Variants in PAIP2B observed in about 807,000 individuals in gnomAD.
PAIP2B encodes polyadenylate-binding protein-interacting protein 2B.
In PAIP2B, 13 loss-of-function variants were observed where a neutral mutation model predicts 17.0. That is an observed-to-expected ratio of 0.76 (90% CI 0.50 to 1.22). The LOEUF (loss-of-function observed/expected upper bound fraction) is 1.22. Ranked by LOEUF, PAIP2B falls within the 50% of genes most tolerant of loss-of-function variation. The pLI is 0.00. For missense variants in PAIP2B, 117 were observed against 144.5 expected (o/e 0.81, Z 0.98); for synonymous variants, 43 against 48.7 (o/e 0.88, Z 0.48).
At chr2:71,226,506 C>G (rs899127980) in intron 1 of PAIP2B, among the ~76,000 whole-genome samples, 3 of 152,188 alleles carry the variant, frequency 2.0e-5, no homozygotes, top group Admixed American at 6.5e-5. Context: ...CAATCCCTCC[C>G]GCTCCAGCCC....
In PAIP2B at chr2:71,183,894, G is replaced by A. The variant is rs890026063; in HGVS notation, c.*4585C>T. The stretch of plus-strand genomic sequence containing the variant: ...ACTAAAATCACTGAAATGTACACTT[G>A]AAATGGGTGTTTTATGATATGTAAC... On this transcript the variant is annotated 3_prime_UTR_variant, in exon 4 of 4. Transcript: ENST00000244221. The A allele has an allele frequency of 6.6e-6, 1 of 152,172 alleles. No homozygotes were observed. The highest frequency in any genetic ancestry group is 2.4e-5 in the African/African-American group (1 of 41,438). 9.4% of individuals were successfully genotyped at this position (152,172 alleles called of 1,614,324 possible). A position where few individuals can be genotyped will look rare whatever the true frequency, so the allele number is the denominator to read the frequency against.
intron 1 of PAIP2B, among the ~76,000 whole-genome samples, chr2:71,220,476 G>C (rs1015769376): frequency 1.3e-5 from 2 of 151,660 alleles, no homozygotes; most frequent in African/African-American, 4.8e-5. Flanking sequence ...GGAGTGCTTT[G>C]TAGTCCCCTG....
At position 71,198,325 on chromosome 2, in the gene PAIP2B, G is replaced by A. The variant is rs1005979527; in HGVS notation, c.138+4127C>T. Among the ~76,000 whole-genome samples the A allele has an allele frequency of 4.2e-4, 61 of 143,678 alleles. 1 individual carries two copies. The East Asian group carries it at 9.7e-3, about 23-fold the overall frequency. 94.3% of individuals were successfully genotyped at this position (143,678 alleles called of 152,430 possible). A position where few individuals can be genotyped will look rare whatever the true frequency, so the allele number is the denominator to read the frequency against. On this transcript the variant is annotated intron_variant, in intron 2 of 3. Transcript: ENST00000244221. ...TTTTGAGACAGAGTCTCGCTCTGTC[G>A]CCCAGGCTGGAGTGCAGTGGCGCGA...
intron 2 of PAIP2B, among the ~76,000 whole-genome samples, chr2:71,200,980 G>T (rs867411668): frequency 6.7e-6 from 1 of 150,344 alleles, no homozygotes; most frequent in African/African-American, 2.5e-5. Context: ...CTTCTCAACT[G>T]TCTTTCCTCA....
rs1296827305 is a variant in PAIP2B, at chr2:71,183,490, G to A, written c.*4989C>T. ...ACATGCACAGCAGCTTCCCCTATAA[G>A]TCCTACGTTCGGAGGGTTCCGTTTA... On this transcript the variant is annotated 3_prime_UTR_variant, in exon 4 of 4. Transcript: ENST00000244221. The A allele has an allele frequency of 3.0e-5, 4 of 131,834 alleles. No homozygotes were observed. Among genetic ancestry groups the A allele is most frequent in the African/African-American group, 1.2e-4 (4 of 33,852 alleles). The allele number at this position is 131,834 out of a possible 1,614,324, so 8.2% of individuals were successfully genotyped here.
At chr2:71,214,709 T>C (rs891838006) in intron 1 of PAIP2B, among the ~76,000 whole-genome samples, 13 of 152,228 alleles carry the variant, frequency 8.5e-5, no homozygotes, top group African/African-American at 3.1e-4. Context: ...AATATTAATG[T>C]ATCGGGTGAC....
At chr2:71,201,390 T>TC (rs1287619083) in intron 2 of PAIP2B, among the ~76,000 whole-genome samples, 3 of 151,812 alleles carry the variant, frequency 2.0e-5, no homozygotes, top group South Asian at 2.1e-4. Flanking sequence ...CTTAATCTTT[T>TC]TTTTTTTTTT....
At chr2:71,207,031 C>G (rs1039475039) in intron 1 of PAIP2B, among the ~76,000 whole-genome samples, 1 of 152,216 alleles carries the variant, frequency 6.6e-6, no homozygotes, top group African/African-American at 2.4e-5. Context: ...TGAGTGCCTA[C>G]TGACCCTCTG....
chr2:71,208,440 A>T (rs1006568270), intron 1 of PAIP2B, among the ~76,000 whole-genome samples: 40 of 151,954 alleles, frequency 2.6e-4, no homozygotes, highest in African/African-American at 8.4e-4. Context: ...CAAAAAAAAA[A>T]GTCAAGTAGA....
chr2:71,206,876 T>G (rs1675141801), intron 1 of PAIP2B, among the ~76,000 whole-genome samples: 1 of 152,256 alleles, frequency 6.6e-6, no homozygotes, highest in Non-Finnish European at 1.5e-5. Flanking sequence ...TCCTTCAGTC[T>G]GGTTAATACC....
At chr2:71,213,788 C>T (rs1675362289) in intron 1 of PAIP2B, among the ~76,000 whole-genome samples, 1 of 152,010 alleles carries the variant, frequency 6.6e-6, no homozygotes, top group Non-Finnish European at 1.5e-5. Context: ...TTCTCCAGGC[C>T]TTTAAAGGAA....
At chr2:71,224,632 G>C (rs1675674916) in intron 1 of PAIP2B, among the ~76,000 whole-genome samples, 1 of 152,120 alleles carries the variant, frequency 6.6e-6, no homozygotes, top group Non-Finnish European at 1.5e-5. Flanking sequence ...TCAGGAAATG[G>C]CACTTCAGGA....
intron 2 of PAIP2B, among the ~76,000 whole-genome samples, chr2:71,197,085 GT>G (rs1214681145): frequency 6.6e-6 from 1 of 152,154 alleles, no homozygotes; most frequent in Non-Finnish European, 1.5e-5. Flanking sequence ...ATGTTGGCCT[GT>G]TTGTGTGGTT....
Position 71,189,187 on chromosome 2 carries a change from A to AT in PAIP2B, c.316-653dup, listed in dbSNP as rs533125464. On this transcript the variant is annotated intron_variant, in intron 3 of 3. Transcript: ENST00000244221. Reference sequence around the variant, plus strand: ...ACCACCATGCCTGGCTAATTTTTGTATTTTTTTAGTAGATATGGGGTTTCC... The same window carrying AT: ...ACCACCATGCCTGGCTAATTTTTGTATTTTTTTTAGTAGATATGGGGTTTCC... Among the ~76,000 whole-genome samples the AT allele has an allele frequency of 5.9e-5, 9 of 151,664 alleles. No homozygotes were observed. In the South Asian group the frequency reaches 1.3e-3, roughly 21 times the overall value.
At chr2:71,218,596 C>A (rs1261188387) in intron 1 of PAIP2B, among the ~76,000 whole-genome samples, 8 of 152,076 alleles carry the variant, frequency 5.3e-5, no homozygotes, top group Non-Finnish European at 2.9e-5. Context: ...ATTAAAAACC[C>A]TAAAACTGTT....
chr2:71,212,173 A>G lies in PAIP2B; in HGVS notation c.-11-9573T>C, dbSNP rs1452873546. On this transcript the variant is annotated intron_variant, in intron 1 of 3. Coordinates refer to ENST00000244221, the MANE Select transcript of PAIP2B (RefSeq NM_020459.1). The stretch of plus-strand genomic sequence containing the variant: ...TCTCCATACATTTCAGACTGATGTG[A>G]TGACAATTTGTTTTTTAAATGCATA... Among the ~76,000 whole-genome samples the G allele has an allele frequency of 2.6e-5, 4 of 152,366 alleles. No homozygotes were observed. In the East Asian group the frequency reaches 7.7e-4, roughly 29 times the overall value.
chr2:71,215,011 A>C (rs539023302), intron 1 of PAIP2B, among the ~76,000 whole-genome samples: 165 of 152,332 alleles, frequency 1.1e-3, no homozygotes, highest in African/African-American at 3.8e-3. Flanking sequence ...TCATTCTATA[A>C]AAGGATATTT....
At chr2:71,224,394 C>T (rs1326058448) in intron 1 of PAIP2B, among the ~76,000 whole-genome samples, 1 of 152,050 alleles carries the variant, frequency 6.6e-6, no homozygotes, top group East Asian at 1.9e-4. Flanking sequence ...ATTCAGTGTT[C>T]TTGGCAACTT....
At position 71,185,329 on chromosome 2, in the gene PAIP2B, G is replaced by C. The variant is rs1224577082; in HGVS notation, c.*3150C>G. The C allele has an allele frequency of 6.6e-6, 1 of 152,050 alleles. No homozygotes were observed. The highest frequency in any genetic ancestry group is 1.5e-5 in the Non-Finnish European group (1 of 68,012). The allele number at this position is 152,050 out of a possible 1,614,324, so 9.4% of individuals were successfully genotyped here. On this transcript the variant is annotated 3_prime_UTR_variant, in exon 4 of 4. Transcript: ENST00000244221. ...TCCCAGCACTTTGGGAGGCTGAGAT[G>C]GGAGAATCACTTGAGCACAACAATT...
Sources: gnomAD v4.1 joint callset for allele counts (sites outside exome capture counted in the v4.1 genomes callset) on GRCh38, gnomAD v4.1.1 for gene constraint, MANE v1.5 for transcripts, NCBI Gene and HGNC (gene_info 2026-07-23, HGNC 2026-07-21) for gene names.